Variants in DZIP1 observed in about 807,000 individuals in gnomAD.
DZIP1 encodes the protein cilium assembly protein DZIP1.
A neutral mutation model predicts 107.6 loss-of-function variants in DZIP1; 97 were observed. The observed-to-expected ratio is 0.90, with a 90% CI of 0.77 to 1.07. The LOEUF is 1.07. Ranked by LOEUF, DZIP1 falls within the 50% of genes least tolerant of loss-of-function variation. DZIP1 has a pLI of 0.00. For synonymous variants in DZIP1, 390 were observed against 386.4 expected (o/e 1.01, Z -0.11); for missense variants, 1,035 against 1,063.6 (o/e 0.97, Z 0.37).
At chr13:95,587,322 C>T (rs2044185976) in intron 20 of DZIP1, among the ~76,000 whole-genome samples, 1 of 152,090 alleles carries the variant, frequency 6.6e-6, no homozygotes. Context: ...TTATAGCAGC[C>T]CTAGCAAACT....
At chr13:95,620,150 G>A (rs1265359343) in intron 9 of DZIP1, among the ~76,000 whole-genome samples, 1 of 152,140 alleles carries the variant, frequency 6.6e-6, no homozygotes, top group East Asian at 1.9e-4. Context: ...TGAATCATGG[G>A]GGTGGACTTC....
Position 95,616,902 on chromosome 13 carries a change from G to T in DZIP1, c.1173+2983C>A, listed in dbSNP as rs1875156876. On this transcript the variant is annotated intron_variant, in intron 10 of 22. Transcript: ENST00000376829. ...TCCTGTGTGGGCCTGTCTTATTCAG[G>T]TGAGCCCCCTGAAAGAAGTTCCAGG... Among the ~76,000 whole-genome samples the T allele has an allele frequency of 2.6e-5, 4 of 152,098 alleles. No homozygotes were observed. The South Asian group carries it at 8.3e-4, about 31-fold the overall frequency.
Position 95,612,165 on chromosome 13 carries a change from T to C in DZIP1, c.1186A>G (p.Ile396Val). 1.9e-6 allele frequency: 3 copies of C among 1,611,114 alleles called. No homozygotes were observed. Among genetic ancestry groups the C allele is most frequent in the Non-Finnish European group, 2.5e-6 (3 of 1,179,808 alleles). The change falls in exon 11 of 23, where the codon ATA becomes GTA. Residue 396 changes from isoleucine to valine, a missense_variant. Transcript: ENST00000376829. ...ATCATTGAGGTTCGAAGTTTCTCTA[T>C]ATGTGACAGGAGCTGAAAAAAAGTT... Reference protein sequence around the residue: ...KKEKGRLLSHIEKLRTSMIDD... With the variant: ...KKEKGRLLSHVEKLRTSMIDD...
At chr13:95,637,791 T>C (rs918266204) in intron 5 of DZIP1, among the ~76,000 whole-genome samples, 2 of 152,214 alleles carry the variant, frequency 1.3e-5, no homozygotes, top group Admixed American at 6.5e-5. Context: ...AATACATTTC[T>C]GTTGTTTAAA....
chr13:95,597,719 C>A (rs2044497837), intron 15 of DZIP1, among the ~76,000 whole-genome samples: 1 of 152,076 alleles, frequency 6.6e-6, no homozygotes, highest in African/African-American at 2.4e-5. Flanking sequence ...CCCAGGGTTT[C>A]CAGGGTATTG....
chr13:95,614,199 T>C (rs1458407173), intron 10 of DZIP1, among the ~76,000 whole-genome samples: 7 of 150,778 alleles, frequency 4.6e-5, no homozygotes, highest in African/African-American at 1.7e-4. Context: ...TCTGTGCTCC[T>C]ATGAGGCTGG....
intron 10 of DZIP1, among the ~76,000 whole-genome samples, chr13:95,617,211 A>T (rs1594704653): frequency 6.6e-6 from 1 of 151,646 alleles, no homozygotes; most frequent in East Asian, 1.9e-4. Flanking sequence ...CACCCCAAAA[A>T]AAAAAGAAAT....
intron 15 of DZIP1, among the ~76,000 whole-genome samples, chr13:95,597,791 G>C (rs970366264): frequency 5.9e-5 from 9 of 152,158 alleles, no homozygotes; most frequent in African/African-American, 1.9e-4. Flanking sequence ...AGTTGGAAGG[G>C]ACTTTATCAC....
intron 6 of DZIP1, among the ~76,000 whole-genome samples, chr13:95,631,375 C>T (rs1013266138): frequency 9.2e-5 from 14 of 151,754 alleles, no homozygotes; most frequent in African/African-American, 2.2e-4. Flanking sequence ...GCTGAAGCAA[C>T]GGAATCACTT....
chr13:95,582,440 C>A (rs1362411723), intron 22 of DZIP1, 127 bp from the exon 23 acceptor site: 3 of 787,450 alleles, frequency 3.8e-6, no homozygotes, highest in Non-Finnish European at 6.3e-6. Context: ...TTCATGAATC[C>A]TCATCTCCCA....
At chr13:95,627,506 T>C (rs1373010673) in intron 7 of DZIP1, among the ~76,000 whole-genome samples, 1 of 152,194 alleles carries the variant, frequency 6.6e-6, no homozygotes, top group Non-Finnish European at 1.5e-5. Flanking sequence ...AACTAAGATA[T>C]ATACAAATGG....
chr13:95,642,737 A>AT (rs1878683341), intron 3 of DZIP1, among the ~76,000 whole-genome samples: 1 of 152,198 alleles, frequency 6.6e-6, no homozygotes, highest in East Asian at 1.9e-4. Context: ...TTAAGGGTAC[A>AT]TTTTTATTAT....
At chr13:95,638,786 T>C (rs899730968) in intron 5 of DZIP1, among the ~76,000 whole-genome samples, 4 of 152,192 alleles carry the variant, frequency 2.6e-5, no homozygotes, top group Non-Finnish European at 5.9e-5. Flanking sequence ...TCAGTTCTTA[T>C]GATTTCTTAA....
intron 7 of DZIP1, among the ~76,000 whole-genome samples, chr13:95,626,131 C>T (rs1037476282): frequency 5.9e-5 from 9 of 151,376 alleles, no homozygotes; most frequent in African/African-American, 2.2e-4. Flanking sequence ...GAGTCTATCT[C>T]CAAAAAACAA....
rs574316387 is a variant in DZIP1, at chr13:95,599,412, G to C, written c.1490C>G (p.Ser497Trp). 3 of 1,613,432 alleles carry C rather than the reference G, an allele frequency of 1.9e-6. No individual in the cohort carries two copies. Among genetic ancestry groups the C allele is most frequent in the Non-Finnish European group, 2.5e-6 (3 of 1,179,576 alleles). ...TTCTATTGGTTCCAGTATGTGCGAC[G>C]AGAATGCCTGTTCTATTAACAAGGA... ...SLPMVHEQAFSSHILEPIEEL... is the reference protein window; with the variant it reads ...SLPMVHEQAFWSHILEPIEEL... The change falls in exon 15 of 23, where the codon TCG (serine) becomes TGG (tryptophan). Residue 497 changes from serine to tryptophan, a missense_variant. Transcript: ENST00000376829.
Position 95,642,015 on chromosome 13 carries a change from T to C in DZIP1, c.15A>G (p.Ala5=). Residue 5 remains alanine (A), a synonymous_variant, in exon 4 of 23, where the codon GCA becomes GCG. Transcript: ENST00000376829. MQAE[A]ADWFSSMPFQ... ...TTACCATGCTTGAAAACCAATCCGC[T>C]GCCTCAGCTTGCATAGGAGGAGCCG... 1 of 1,576,704 alleles carries C rather than the reference T, an allele frequency of 6.3e-7. No homozygotes were observed. Among genetic ancestry groups the C allele is most frequent in the East Asian group, 2.5e-5 (1 of 39,852 alleles).
At chr13:95,598,691 T>G (rs2044529243) in intron 15 of DZIP1, among the ~76,000 whole-genome samples, 1 of 152,066 alleles carries the variant, frequency 6.6e-6, no homozygotes, top group African/African-American at 2.4e-5. Flanking sequence ...TATGATAGAT[T>G]GATTCAAATA....
intron 10 of DZIP1, among the ~76,000 whole-genome samples, chr13:95,613,430 T>C (rs2045078358): frequency 6.6e-6 from 1 of 152,000 alleles, no homozygotes. Context: ...GGAGAATTTT[T>C]GAACCCCGGA....
intron 10 of DZIP1, among the ~76,000 whole-genome samples, chr13:95,616,077 T>C (rs1031050317): frequency 1.3e-5 from 2 of 152,112 alleles, no homozygotes; most frequent in African/African-American, 4.8e-5. Flanking sequence ...CAGTGTAATG[T>C]AGGGGGACAA....
Sources: allele counts gnomAD v4.1 joint callset (sites outside exome capture counted in the v4.1 genomes callset), GRCh38; gene constraint gnomAD v4.1.1; transcripts MANE v1.5; gene names NCBI Gene and HGNC (gene_info 2026-07-23, HGNC 2026-07-21).